MRAS: variants seen among roughly 807,000 people sequenced by gnomAD.
MRAS encodes the protein ras-related protein M-Ras.
Under a neutral mutation model 20.9 loss-of-function variants are expected in MRAS, and 4 were observed. The observed-to-expected ratio is 0.19, with a 90% CI of 0.09 to 0.44. MRAS has a LOEUF of 0.44. Among genes scored for constraint, MRAS ranks in the 20% least tolerant of loss-of-function variants. MRAS has a pLI of 0.99. For missense variants in MRAS, 154 were observed against 277.5 expected (o/e 0.56, Z 3.16); for synonymous variants, 98 against 102.9 (o/e 0.95, Z 0.29).
At chr3:138,378,306 C>T (rs1488367864) in intron 2 of MRAS, among the ~76,000 whole-genome samples, 1 of 152,188 alleles carries the variant, frequency 6.6e-6, no homozygotes, top group Non-Finnish European at 1.5e-5. Context: ...TGTTTTCTTC[C>T]AGGAAGTCAC....
At chr3:138,354,586 G>T (rs750436436) in intron 1 of MRAS, among the ~76,000 whole-genome samples, 1 of 152,132 alleles carries the variant, frequency 6.6e-6, no homozygotes, top group Non-Finnish European at 1.5e-5. Flanking sequence ...TGTGTTTTTG[G>T]CTATGATCTT....
At chr3:138,362,921 G>A (rs1323079764) in intron 1 of MRAS, among the ~76,000 whole-genome samples, 3 of 152,068 alleles carry the variant, frequency 2.0e-5, no homozygotes, top group Middle Eastern at 3.2e-3. Context: ...CCACATTCCA[G>A]TCACATCATG....
chr3:138,372,297 C>T (rs933608037), intron 1 of MRAS, among the ~76,000 whole-genome samples: 11 of 152,078 alleles, frequency 7.2e-5, no homozygotes, highest in African/African-American at 2.7e-4. Context: ...ATGATTCCCG[C>T]ATGACTTTGT....
In MRAS at chr3:138,357,589, T is replaced by A. The variant is rs77714447; in HGVS notation, c.-19+8822T>A. Among the ~76,000 whole-genome samples the A allele has an allele frequency of 6.9e-4, 105 of 152,392 alleles. 2 individuals carry two copies. The East Asian group carries it at 0.02, about 29-fold the overall frequency. The stretch of plus-strand genomic sequence containing the variant: ...GAAATTCTCTGAGGGTTTCATTTAT[T>A]TTCTTTAAAAATTGCCCAAGTATTG... On this transcript the variant is annotated intron_variant, in intron 1 of 5. Coordinates refer to ENST00000423968, the MANE Select transcript of MRAS (RefSeq NM_001085049.3).
intron 1 of MRAS, among the ~76,000 whole-genome samples, chr3:138,355,341 C>CT (rs1474661441): frequency 1.3e-5 from 2 of 152,214 alleles, no homozygotes; most frequent in Non-Finnish European, 2.9e-5. Flanking sequence ...CAGCCTTCTC[C>CT]TTTCCACCTA....
At chr3:138,389,888 C>T (rs2108548405) in intron 2 of MRAS, among the ~76,000 whole-genome samples, 1 of 152,088 alleles carries the variant, frequency 6.6e-6, no homozygotes. Flanking sequence ...GGCTATGGGC[C>T]ACTGTCGGAG....
intron 2 of MRAS, among the ~76,000 whole-genome samples, chr3:138,396,933 C>T (rs2055249754): frequency 6.6e-6 from 1 of 152,158 alleles, no homozygotes; most frequent in Admixed American, 6.5e-5. Flanking sequence ...AGGCAGCCTC[C>T]CAAAGAGTCA....
At chr3:138,369,496 G>C (rs2054631064) in intron 1 of MRAS, among the ~76,000 whole-genome samples, 1 of 152,268 alleles carries the variant, frequency 6.6e-6, no homozygotes, top group East Asian at 1.9e-4. Context: ...TGCGGCACGG[G>C]TGTGGCTGGA....
chr3:138,351,890 T>C (rs2054235273), intron 1 of MRAS, among the ~76,000 whole-genome samples: 1 of 152,182 alleles, frequency 6.6e-6, no homozygotes, highest in South Asian at 2.1e-4. Flanking sequence ...TTCAGGGGAT[T>C]CATGGATCTC....
chr3:138,353,373 T>G (rs1054765230), intron 1 of MRAS, among the ~76,000 whole-genome samples: 2 of 152,128 alleles, frequency 1.3e-5, no homozygotes, highest in African/African-American at 4.8e-5. Flanking sequence ...GCTGGGAAAC[T>G]TTCCACAAGG....
upstream of MRAS, chr3:138,347,717 C>G (rs2054148747): frequency 6.6e-6 from 1 of 152,122 alleles, no homozygotes; most frequent in African/African-American, 2.4e-5. Flanking sequence ...CTCAGCCTCC[C>G]GAGTAGATGA....
intron 1 of MRAS, among the ~76,000 whole-genome samples, chr3:138,360,560 C>T (rs960132220): frequency 1.3e-5 from 2 of 152,168 alleles, no homozygotes; most frequent in Non-Finnish European, 2.9e-5. Context: ...GACCCCTCAT[C>T]GCCACTCCTC....
At chr3:138,373,801 C>G (rs1344515553) in intron 2 of MRAS, among the ~76,000 whole-genome samples, 1 of 152,124 alleles carries the variant, frequency 6.6e-6, no homozygotes, top group East Asian at 1.9e-4. Context: ...TGTGTTGAAA[C>G]TGTAGATCTG....
chr3:138,392,336 G>A (rs1170628123), intron 2 of MRAS, among the ~76,000 whole-genome samples: 4 of 152,140 alleles, frequency 2.6e-5, no homozygotes, highest in Admixed American at 2.6e-4. Context: ...TCCTCCCAAA[G>A]TACTGGGATT....
At chr3:138,388,986 T>C (rs2055072946) in intron 2 of MRAS, among the ~76,000 whole-genome samples, 1 of 152,040 alleles carries the variant, frequency 6.6e-6, no homozygotes, top group Admixed American at 6.5e-5. Flanking sequence ...GGATTACAGG[T>C]ACCCACCACC....
chr3:138,403,618 C>G lies in MRAS; in HGVS notation c.*1349C>G, dbSNP rs932920298. The G allele has an allele frequency of 2.0e-5, 3 of 152,658 alleles. No individual in the cohort carries two copies. The highest frequency in any genetic ancestry group is 4.4e-5 in the Non-Finnish European group (3 of 68,060). 9.5% of individuals were successfully genotyped at this position (152,658 alleles called of 1,614,324 possible). A position where few individuals can be genotyped will look rare whatever the true frequency, so the allele number is the denominator to read the frequency against. ...GCAAGGGGGCAGTCTCCCCAGCTCC[C>G]TGATGATGCTCACCCCCGCCCCCCC... On this transcript the variant is annotated 3_prime_UTR_variant, in exon 6 of 6. Coordinates refer to ENST00000423968, the MANE Select transcript of MRAS (RefSeq NM_001085049.3).
intron 1 of MRAS, among the ~76,000 whole-genome samples, chr3:138,351,601 A>G (rs536603069): frequency 5.1e-4 from 77 of 152,290 alleles, no homozygotes; most frequent in African/African-American, 1.5e-3. Context: ...TACTGAATCA[A>G]TGGGGATGCT....
At chr3:138,382,032 G>A (rs2054916679) in intron 2 of MRAS, among the ~76,000 whole-genome samples, 1 of 152,206 alleles carries the variant, frequency 6.6e-6, no homozygotes, top group East Asian at 1.9e-4. Context: ...AGAATGGGGT[G>A]CAGGCAGAGC....
intron 1 of MRAS, among the ~76,000 whole-genome samples, chr3:138,357,632 C>G (rs1262018908): frequency 6.6e-6 from 1 of 152,252 alleles, no homozygotes; most frequent in Non-Finnish European, 1.5e-5. Context: ...CCCTCCCCAT[C>G]TGCAGTATTT....
Sources: gnomAD v4.1 joint callset for allele counts (sites outside exome capture counted in the v4.1 genomes callset) on GRCh38, gnomAD v4.1.1 for gene constraint, MANE v1.5 for transcripts, NCBI Gene and HGNC (gene_info 2026-07-23, HGNC 2026-07-21) for gene names.